Variants in GBE1 observed in about 807,000 individuals in gnomAD.
The protein encoded by GBE1 is 1,4-alpha-glucan branching enzyme 1, also known as 1,4-alpha-glucan-branching enzyme.
A neutral mutation model predicts 88.8 loss-of-function variants in GBE1; 70 were observed. The ratio of observed to expected loss-of-function variants is 0.79; its 90% CI spans 0.65 to 0.96. The LOEUF is 0.96. GBE1 is among the 40% of genes least tolerant of loss of function. The pLI, the probability that GBE1 is intolerant of heterozygous loss-of-function variation, is 0.00. For synonymous variants in GBE1, 284 were observed against 300.1 expected (o/e 0.95, Z 0.56); for missense variants, 872 against 871.0 (o/e 1.00, Z -0.01).
At chr3:81,612,511 A>C (rs1181133746) in intron 7 of GBE1, 1 of 995,386 alleles carries the variant, frequency 1.0e-6, no homozygotes, top group East Asian at 2.8e-5. Context: ...AATGCAGTGC[A>C]TCTTCGTCCT....
chr3:81,561,693 G>A (rs556073970), intron 12 of GBE1, among the ~76,000 whole-genome samples: 9 of 152,122 alleles, frequency 5.9e-5, no homozygotes, highest in Admixed American at 5.9e-4. Flanking sequence ...TATCAATCAA[G>A]TAACATATCT....
At chr3:81,725,302 T>C (rs1434699268) in intron 1 of GBE1, among the ~76,000 whole-genome samples, 1 of 152,186 alleles carries the variant, frequency 6.6e-6, no homozygotes, top group Non-Finnish European at 1.5e-5. Context: ...TGTACAAATA[T>C]ATTTTCTTTC....
chr3:81,626,520 C>G (rs1179176118), intron 7 of GBE1, among the ~76,000 whole-genome samples: 1 of 151,870 alleles, frequency 6.6e-6, no homozygotes, highest in Non-Finnish European at 1.5e-5. Flanking sequence ...TTTAGACCAG[C>G]GAAGATAAGG....
At chr3:81,554,726 A>C (rs1703322759) in intron 12 of GBE1, among the ~76,000 whole-genome samples, 1 of 152,232 alleles carries the variant, frequency 6.6e-6, no homozygotes, top group South Asian at 2.1e-4. Flanking sequence ...ACATCAGTTT[A>C]ATTGAATACT....
chr3:81,586,853 A>G (rs1305902886), intron 9 of GBE1, among the ~76,000 whole-genome samples: 2 of 151,462 alleles, frequency 1.3e-5, no homozygotes, highest in African/African-American at 4.9e-5. Context: ...CAGTGGCATG[A>G]TATCAGCTCA....
chr3:81,649,816 C>T lies in GBE1; in HGVS notation c.535G>A (p.Asp179Asn), dbSNP rs758425725. The change falls in exon 4 of 16, where the codon GAT becomes AAT. Residue 179 changes from aspartate (D) to asparagine (N), a missense_variant. Asp to Asn is a conservative substitution (Grantham distance 23, BLOSUM62 1). Transcript: ENST00000429644. The stretch of plus-strand genomic sequence containing the variant: ...CTCACCTCATATGAGTGTTCTGGAT[C>T]CCAGTGTATCCAATCATAATTCACA... ...DNVNYDWIHW[D>N]PEHSYEFKHS... The T allele has an allele frequency of 5.0e-6, 8 of 1,608,520 alleles. No individual in the cohort carries two copies. In the Admixed American group the frequency reaches 6.7e-5, roughly 13 times the overall value.
intron 12 of GBE1, among the ~76,000 whole-genome samples, chr3:81,552,668 G>C (rs1703288260): frequency 6.6e-6 from 1 of 151,522 alleles, no homozygotes; most frequent in Non-Finnish European, 1.5e-5. Context: ...TTATAAACAA[G>C]TTTTATTTGA....
chr3:81,646,330 A>T, intron 6 of GBE1, 62 bp downstream of exon 6: 1 of 1,069,124 alleles, frequency 9.4e-7, no homozygotes, highest in South Asian at 1.4e-5. Flanking sequence ...GAACAATTTC[A>T]TTTTGTTTCT....
At chr3:81,661,495 T>G (rs553925817) in intron 3 of GBE1, among the ~76,000 whole-genome samples, 1 of 152,362 alleles carries the variant, frequency 6.6e-6, no homozygotes, top group Non-Finnish European at 1.5e-5. Context: ...GAGATTGATT[T>G]GTATACTCCG....
chr3:81,628,783 A>ATATATATG (rs1553687073), intron 7 of GBE1, among the ~76,000 whole-genome samples: 1 of 131,144 alleles, frequency 7.6e-6, no homozygotes, highest in East Asian at 2.3e-4. Context: ...ATATATATAT[A>ATATATATG]GCAACAGAGT....
At chr3:81,720,849 C>A (rs1257088861) in intron 1 of GBE1, among the ~76,000 whole-genome samples, 2 of 148,894 alleles carry the variant, frequency 1.3e-5, no homozygotes, top group African/African-American at 5.0e-5. Flanking sequence ...GGCACATATA[C>A]ACCATGGAAT....
intron 15 of GBE1, among the ~76,000 whole-genome samples, chr3:81,493,803 C>T (rs538932739): frequency 6.6e-6 from 1 of 151,718 alleles, no homozygotes; most frequent in South Asian, 2.1e-4. Flanking sequence ...GCTGGGATTA[C>T]AGGTGTGAGC....
At chr3:81,741,864 T>C (rs1706354385) in intron 1 of GBE1, among the ~76,000 whole-genome samples, 1 of 147,650 alleles carries the variant, frequency 6.8e-6, no homozygotes. Context: ...GTTTTTTATA[T>C]ATAATATATA....
intron 7 of GBE1, among the ~76,000 whole-genome samples, chr3:81,620,560 A>G (rs1461462232): frequency 2.0e-5 from 3 of 152,198 alleles, no homozygotes; most frequent in South Asian, 2.1e-4. Context: ...AAGTATTCTA[A>G]TAGTTAACGA....
At chr3:81,623,389 A>G (rs1704359716) in intron 7 of GBE1, among the ~76,000 whole-genome samples, 1 of 152,190 alleles carries the variant, frequency 6.6e-6, no homozygotes, top group Non-Finnish European at 1.5e-5. Flanking sequence ...TATCTTGACC[A>G]CACACTAATA....
At chr3:81,522,131 T>C (rs1369875884) in intron 14 of GBE1, among the ~76,000 whole-genome samples, 1 of 151,428 alleles carries the variant, frequency 6.6e-6, no homozygotes, top group Non-Finnish European at 1.5e-5. Context: ...TTTAAGAAAC[T>C]AGCCATATCT....
intron 2 of GBE1, among the ~76,000 whole-genome samples, chr3:81,684,344 C>G (rs1292711639): frequency 6.6e-6 from 1 of 152,194 alleles, no homozygotes; most frequent in African/African-American, 2.4e-5. Context: ...ATAACAAATA[C>G]CACAGACTGG....
chr3:81,615,334 A>C (rs1044495801), intron 7 of GBE1, among the ~76,000 whole-genome samples: 4 of 152,188 alleles, frequency 2.6e-5, no homozygotes, highest in Admixed American at 1.3e-4. Flanking sequence ...GTGGTACAAT[A>C]TCACAGCCAG....
Position 81,649,739 on chromosome 3 carries a change from A to G in GBE1, c.555+57T>C, listed in dbSNP as rs1292249251. On this transcript the variant is annotated intron_variant, in intron 4 of 15. Coordinates refer to ENST00000429644, the MANE Select transcript of GBE1 (RefSeq NM_000158.4). The stretch of plus-strand genomic sequence containing the variant: ...TACTATAAAAGTTATAAAAGTAAAA[A>G]TTAACTTTCCTAGAAATATTGGAAC... 1.3e-5 allele frequency: 19 copies of G among 1,460,768 alleles called. No individual in the cohort carries two copies. In the East Asian group the frequency reaches 2.8e-4, roughly 22 times the overall value. 90.5% of individuals were successfully genotyped at this position (1,460,768 alleles called of 1,614,324 possible).
Sources: gnomAD v4.1 joint callset for allele counts (sites outside exome capture counted in the v4.1 genomes callset) on GRCh38, gnomAD v4.1.1 for gene constraint, MANE v1.5 for transcripts, NCBI Gene and HGNC (gene_info 2026-07-23, HGNC 2026-07-21) for gene names.